Variants in ATIC observed in about 807,000 individuals in gnomAD.
ATIC encodes bifunctional purine biosynthesis protein ATIC.
In ATIC, 64 loss-of-function variants were observed where a neutral mutation model predicts 72.5. The ratio of observed to expected loss-of-function variants is 0.88; its 90% CI spans 0.72 to 1.09. ATIC has a LOEUF of 1.09. ATIC is among the 50% of genes least tolerant of loss of function. ATIC has a pLI of 0.00. For synonymous variants in ATIC, 281 were observed against 267.1 expected, an observed-to-expected ratio of 1.05 and a Z score of -0.51; for missense variants, 787 against 732.4, an observed-to-expected ratio of 1.07 and a Z score of -0.86.
intron 12 of ATIC, among the ~76,000 whole-genome samples, chr2:215,342,612 T>G (rs2053031144): frequency 6.6e-6 from 1 of 152,142 alleles, no homozygotes; most frequent in Non-Finnish European, 1.5e-5. Flanking sequence ...CACAAATCTG[T>G]TTTTCCTTTC....
chr2:215,346,712 A>C (rs1477957790), intron 13 of ATIC, 47 bp from the exon 14 acceptor site: 1 of 1,602,272 alleles, frequency 6.2e-7, no homozygotes, highest in Non-Finnish European at 8.5e-7. Context: ...TTTTGAGAAG[A>C]AAGTGTCTTT....
chr2:215,368,018 C>G, the ATIC span: 3 of 1,613,996 alleles, frequency 1.9e-6, no homozygotes, highest in East Asian at 6.7e-5. Context: ...TTGGTTCAAG[C>G]CTTCGTTGAC....
chr2:215,333,562 G>A (rs1236262456), intron 9 of ATIC, 105 bp downstream of exon 9: 7 of 769,346 alleles, frequency 9.1e-6, no homozygotes, highest in South Asian at 2.0e-5. Context: ...TAGATATTCT[G>A]TATAATATAT....
Position 215,349,196 on chromosome 2 carries a change from A to C in ATIC, c.1606A>C (p.Ile536Leu), listed in dbSNP as rs766063365. 5 of 1,614,220 alleles carry C rather than the reference A, an allele frequency of 3.1e-6. No homozygotes were observed. In the African/African-American group the frequency reaches 4.0e-5, roughly 13 times the overall value. ...EWVEKLTEVS[I>L]SSDAFFPFRD... is the part of the protein sequence containing the mutation. ...GGTTGAGAAACTGACTGAAGTTTCT[A>C]TCAGCTCTGATGCCTTCTTCCCTTT... The change falls in exon 15 of 16, where the codon ATC (isoleucine) becomes CTC (leucine). Residue 536 changes from isoleucine (I) to leucine (L), a missense_variant. Physicochemically the swap from Ile to Leu is conservative, Grantham distance 5 (BLOSUM62 2). Coordinates refer to ENST00000236959, the MANE Select transcript of ATIC (RefSeq NM_004044.7).
the ATIC span, among the ~76,000 whole-genome samples, chr2:215,366,914 T>C: frequency 1.3e-5 from 2 of 152,270 alleles, no homozygotes; most frequent in Admixed American, 6.5e-5. Flanking sequence ...GTGATGTTTT[T>C]AGTGTTTTTC....
chr2:215,323,148 T>G (rs1379559621), intron 4 of ATIC, among the ~76,000 whole-genome samples: 1 of 152,162 alleles, frequency 6.6e-6, no homozygotes, highest in East Asian at 1.9e-4. Context: ...GGTTTCACCG[T>G]GTTCGCCAGG....
the ATIC span, among the ~76,000 whole-genome samples, chr2:215,358,548 C>T: frequency 2.6e-5 from 4 of 152,036 alleles, no homozygotes; most frequent in East Asian, 3.9e-4. Flanking sequence ...AAGTAAGACA[C>T]ATTAGATTGG....
intron 11 of ATIC, among the ~76,000 whole-genome samples, chr2:215,337,370 A>G (rs2052967672): frequency 6.6e-6 from 1 of 152,096 alleles, no homozygotes; most frequent in Non-Finnish European, 1.5e-5. Context: ...CATTAAAGTT[A>G]ATACTTATTT....
rs372222292 is a variant in ATIC, at chr2:215,344,891, C to T, written c.1320+20C>T. The T allele has an allele frequency of 1.9e-5, 31 of 1,604,752 alleles. No individual in the cohort carries two copies. The highest frequency in any genetic ancestry group is 3.3e-4 in the Middle Eastern group (2 of 6,070). On this transcript the variant is annotated intron_variant, in intron 13 of 15. Transcript: ENST00000236959. ...GGGCAGGTAAGTGGGCTGTTGGACT[C>T]GCCTTCGGGGGACTGTTGTTTTACG...
At chr2:215,344,566 G>A (rs931817429) in intron 12 of ATIC, among the ~76,000 whole-genome samples, 5 of 151,788 alleles carry the variant, frequency 3.3e-5, no homozygotes, top group East Asian at 1.9e-4. Flanking sequence ...TGGTGCATGC[G>A]CCTGTAATTG....
At chr2:215,364,699 A>G in the ATIC span, 3 of 633,558 alleles carry the variant, frequency 4.7e-6, no homozygotes, top group East Asian at 5.5e-5. Context: ...AATGAATGGC[A>G]TGTAAGGTAG....
chr2:215,342,640 G>A (rs1191330030), intron 12 of ATIC, among the ~76,000 whole-genome samples: 3 of 151,990 alleles, frequency 2.0e-5, no homozygotes, highest in South Asian at 4.1e-4. Context: ...TTCATTCATC[G>A]TGCATTCATG....
rs564532952 is a variant in ATIC, at chr2:215,340,104, C to T, written c.1227+1197C>T. Among the ~76,000 whole-genome samples the T allele has an allele frequency of 3.9e-5, 6 of 152,284 alleles. No individual in the cohort carries two copies. In the South Asian group the frequency reaches 1.2e-3, roughly 32 times the overall value. ...TTCTGATGGATATTTAGATTGCTTA[C>T]ATTTTCAGTGCTATGATCAATGTTT... On this transcript the variant is annotated intron_variant, in intron 12 of 15. Transcript: ENST00000236959.
At position 215,312,140 on chromosome 2, in the gene ATIC, G is replaced by C. The variant is rs1403981090; in HGVS notation, c.-3G>C. The C allele has an allele frequency of 7.9e-6, 12 of 1,526,224 alleles. No homozygotes were observed. In the East Asian group the frequency reaches 3.0e-4, roughly 38 times the overall value. 94.5% of individuals were successfully genotyped at this position (1,526,224 alleles called of 1,614,324 possible). On this transcript the variant is annotated 5_prime_UTR_variant, in exon 1 of 16. Transcript: ENST00000236959. ...GCTCGCCCTGAACCCAGTGCCTGCA[G>C]CCATGGCTCCCGGCCAGCTCGGTGA...
intron 4 of ATIC, among the ~76,000 whole-genome samples, chr2:215,320,129 G>A (rs1023001339): frequency 1.3e-5 from 2 of 152,144 alleles, no homozygotes; most frequent in Non-Finnish European, 1.5e-5. Context: ...TCAGATTTTG[G>A]AGCATTTCAG....
rs1329257769 is a variant in ATIC at position 215,323,199 on chromosome 2, C to T, written c.291-2042C>T. Among the ~76,000 whole-genome samples the T allele has an allele frequency of 2.0e-5, 3 of 152,154 alleles. No individual in the cohort carries two copies. The East Asian group carries it at 5.8e-4, about 29-fold the overall frequency. On this transcript the variant is annotated intron_variant, in intron 4 of 15. Coordinates refer to ENST00000236959, the MANE Select transcript of ATIC (RefSeq NM_004044.7). The stretch of plus-strand genomic sequence containing the variant: ...TGACCTCGTGATCCGCCCGCCTCGG[C>T]CTCCCAAAGTGCTAGGATTACAGGC...
chr2:215,330,068 C>T lies in ATIC; in HGVS notation c.689-2314C>T, dbSNP rs112233814. ...ATGAGCCACCGCACCCATCCAGATA[C>T]GCTTAACTATGAGATGTTTCAGAAA... On this transcript the variant is annotated intron_variant, in intron 7 of 15. Transcript: ENST00000236959. 5.2e-3 allele frequency among the ~76,000 whole-genome samples: 786 copies of T among 152,332 alleles called. 6 individuals are homozygous for T. The highest frequency in any genetic ancestry group is 0.018 in the African/African-American group (749 of 41,584).
At chr2:215,360,704 A>G in the ATIC span, 2 of 152,684 alleles carry the variant, frequency 1.3e-5, no homozygotes, top group African/African-American at 2.4e-5. Flanking sequence ...GACAAAAACC[A>G]ATCAGTTTTT....
Position 215,326,098 on chromosome 2 carries a change from A to G in ATIC, c.491A>G (p.Lys164Arg), listed in dbSNP as rs1349832626. 3.7e-6 allele frequency: 6 copies of G among 1,614,000 alleles called. No homozygotes were observed. Among genetic ancestry groups the G allele is most frequent in the Non-Finnish European group, 5.1e-6 (6 of 1,180,004 alleles). Residue 164 changes from lysine (K) to arginine (R), a missense_variant, in exon 6 of 16, where the codon AAG becomes AGG. Lys to Arg is a conservative substitution (Grantham distance 26). Transcript: ENST00000236959. ...VSTEMQSSESKDTSLETRRQL... is the reference protein window; with the variant it reads ...VSTEMQSSESRDTSLETRRQL... ...ACGGAGATGCAGAGCTCCGAGAGTAAGGACACCTCCTTGGAGACTAGACGC... is the reference window on the plus strand; with the variant it reads ...ACGGAGATGCAGAGCTCCGAGAGTAGGGACACCTCCTTGGAGACTAGACGC...
Sources: allele counts gnomAD v4.1 joint callset (sites outside exome capture counted in the v4.1 genomes callset), GRCh38; gene constraint gnomAD v4.1.1; transcripts MANE v1.5; gene names NCBI Gene and HGNC (gene_info 2026-07-23, HGNC 2026-07-21).